TNKS: variants seen among roughly 807,000 people sequenced by gnomAD.
The protein encoded by TNKS is tankyrase.
Under a neutral mutation model 135.8 loss-of-function variants are expected in TNKS, and 72 were observed. The ratio of observed to expected loss-of-function variants is 0.53; its 90% CI spans 0.44 to 0.64. TNKS has a LOEUF of 0.64. Among genes scored for constraint, TNKS ranks in the 30% least tolerant of loss-of-function variants. TNKS has a pLI of 0.00. For synonymous variants in TNKS, 849 were observed against 649.3 expected, an observed-to-expected ratio of 1.31 and a Z score of -4.68; for missense variants, 1,769 against 1,674.0, an observed-to-expected ratio of 1.06 and a Z score of -0.99.
intron 26 of TNKS, among the ~76,000 whole-genome samples, chr8:9,776,207 A>T (rs549123633): frequency 6.6e-6 from 1 of 152,072 alleles, no homozygotes; most frequent in South Asian, 2.1e-4. Context: ...TCTCACCCTT[A>T]CTCCTTCTAG....
At chr8:9,672,869 C>T (rs763177643) in intron 3 of TNKS, among the ~76,000 whole-genome samples, 13 of 152,050 alleles carry the variant, frequency 8.5e-5, no homozygotes, top group African/African-American at 2.2e-4. Flanking sequence ...TCCCTCCTTC[C>T]GTCTTCCTTT....
At chr8:9,587,121 G>T (rs193240732) in intron 2 of TNKS, among the ~76,000 whole-genome samples, 1 of 151,906 alleles carries the variant, frequency 6.6e-6, no homozygotes, top group Non-Finnish European at 1.5e-5. Flanking sequence ...ATGGAATTTT[G>T]GTTGCTAATC....
intron 3 of TNKS, among the ~76,000 whole-genome samples, chr8:9,617,968 G>A (rs1016761788): frequency 1.4e-5 from 2 of 147,606 alleles, no homozygotes; most frequent in African/African-American, 5.0e-5. Context: ...TTAATAAAGT[G>A]ACAATCTCTT....
chr8:9,677,447 G>A (rs774588412), intron 3 of TNKS, among the ~76,000 whole-genome samples: 3 of 152,076 alleles, frequency 2.0e-5, no homozygotes, highest in South Asian at 4.2e-4. Context: ...AATACTTTGC[G>A]GTTTTATTAC....
chr8:9,634,472 T>C (rs1800428108), intron 3 of TNKS, among the ~76,000 whole-genome samples: 1 of 152,112 alleles, frequency 6.6e-6, no homozygotes, highest in African/African-American at 2.4e-5. Flanking sequence ...TTTGACTTCT[T>C]ATTAAGTTTG....
At chr8:9,600,067 C>T (rs1798953681) in intron 2 of TNKS, among the ~76,000 whole-genome samples, 1 of 152,060 alleles carries the variant, frequency 6.6e-6, no homozygotes, top group South Asian at 2.1e-4. Flanking sequence ...GTCCTAACAG[C>T]CCTATGAGAT....
At chr8:9,719,656 A>C (rs1804777041) in intron 11 of TNKS, among the ~76,000 whole-genome samples, 1 of 152,128 alleles carries the variant, frequency 6.6e-6, no homozygotes, top group African/African-American at 2.4e-5. Flanking sequence ...AGCACAATGA[A>C]CGTGGACTTG....
intron 3 of TNKS, among the ~76,000 whole-genome samples, chr8:9,627,368 A>G (rs1444840331): frequency 1.3e-5 from 2 of 152,206 alleles, no homozygotes; most frequent in Admixed American, 6.5e-5. Context: ...GGGAACCCCA[A>G]TTTATAGCTG....
intron 5 of TNKS, among the ~76,000 whole-genome samples, chr8:9,692,656 C>T (rs560745129): frequency 3.9e-5 from 6 of 152,318 alleles, no homozygotes; most frequent in African/African-American, 1.4e-4. Context: ...GTCATGTCAT[C>T]TGCAGAAGAG....
intron 1 of TNKS, among the ~76,000 whole-genome samples, chr8:9,559,106 T>C (rs1207980628): frequency 2.6e-5 from 4 of 152,202 alleles, no homozygotes; most frequent in Non-Finnish European, 5.9e-5. Flanking sequence ...ACTGACACAA[T>C]TGTGTAATGG....
At chr8:9,758,853 C>G (rs1806991461) in intron 20 of TNKS, among the ~76,000 whole-genome samples, 1 of 152,184 alleles carries the variant, frequency 6.6e-6, no homozygotes, top group Non-Finnish European at 1.5e-5. Context: ...AGTCAGGAGT[C>G]TATGCACAGC....
chr8:9,627,866 C>T (rs1412400257), intron 3 of TNKS, among the ~76,000 whole-genome samples: 2 of 152,118 alleles, frequency 1.3e-5, no homozygotes, highest in Non-Finnish European at 2.9e-5. Context: ...TTCCTCTCAG[C>T]TTATTACTTT....
chr8:9,710,361 C>T lies in TNKS; in HGVS notation c.1749+141C>T, dbSNP rs772044658. ...GTTCGTACTTAAATTCATGGATTCT[C>T]CTATAAAGCTGATTTAGATCTTGTT... On this transcript the variant is annotated intron_variant, in intron 11 of 26. Coordinates refer to ENST00000310430, the MANE Select transcript of TNKS (RefSeq NM_003747.3). The T allele has an allele frequency of 8.2e-6, 6 of 730,282 alleles. No individual in the cohort carries two copies. The Admixed American group carries it at 1.0e-4, about 13-fold the overall frequency. The allele number at this position is 730,282 out of a possible 1,614,324, so 45.2% of individuals were successfully genotyped here. A position where few individuals can be genotyped will look rare whatever the true frequency, so the allele number is the denominator to read the frequency against.
In TNKS at chr8:9,556,676, A is replaced by T. The variant is rs544870686; in HGVS notation, c.673+64A>T. 2.8e-5 allele frequency: 45 copies of T among 1,585,288 alleles called. 1 individual carries two copies. In the Admixed American group the frequency reaches 5.2e-4, roughly 18 times the overall value. On this transcript the variant is annotated intron_variant, in intron 1 of 26. Coordinates refer to ENST00000310430, the MANE Select transcript of TNKS (RefSeq NM_003747.3). ...TTGGGTGCAGGGTCCGGTTAGGACA[A>T]GAAAACAGGTTATTGTGATGGGACA... is the stretch of plus-strand genomic sequence containing the variant.
intron 3 of TNKS, among the ~76,000 whole-genome samples, chr8:9,639,348 G>A (rs549429975): frequency 6.6e-6 from 1 of 152,136 alleles, no homozygotes; most frequent in East Asian, 1.9e-4. Context: ...CTTATGAACA[G>A]TTTATTGCCA....
At chr8:9,666,510 A>G (rs1368779749) in intron 3 of TNKS, among the ~76,000 whole-genome samples, 1 of 152,112 alleles carries the variant, frequency 6.6e-6, no homozygotes, top group Non-Finnish European at 1.5e-5. Flanking sequence ...ACTTGAGGCC[A>G]GGAGTTCGAG....
intron 26 of TNKS, among the ~76,000 whole-genome samples, chr8:9,771,678 G>GGAGAGAGA (rs372358789): frequency 2.7e-5 from 3 of 113,032 alleles, no homozygotes; most frequent in African/African-American, 1.1e-4. Flanking sequence ...AGGAAGGGAG[G>GGAGAGAGA]GAGAGAGAGA....
chr8:9,768,521 C>T (rs1006847927), intron 25 of TNKS, among the ~76,000 whole-genome samples: 15 of 152,228 alleles, frequency 9.9e-5, no homozygotes, highest in African/African-American at 3.4e-4. Context: ...GAATGCACCA[C>T]AATGCACCAG....
At chr8:9,703,660 T>C (rs1563178413) in intron 5 of TNKS, among the ~76,000 whole-genome samples, 1 of 152,248 alleles carries the variant, frequency 6.6e-6, no homozygotes, top group Non-Finnish European at 1.5e-5. Context: ...GTACAGTGTT[T>C]AGTACTTCTT....
Sources: gnomAD v4.1 joint callset for allele counts (sites outside exome capture counted in the v4.1 genomes callset) on GRCh38, gnomAD v4.1.1 for gene constraint, MANE v1.5 for transcripts, NCBI Gene and HGNC (gene_info 2026-07-23, HGNC 2026-07-21) for gene names.